The following YWHAG variants were observed in gnomAD, a reference collection of about 807,000 sequenced individuals.
The protein encoded by YWHAG is 14-3-3 protein gamma.
YWHAG carries 1 observed loss-of-function variant against 23.3 expected under a neutral mutation model. The observed-to-expected ratio is 0.04, with a 90% CI of 0.02 to 0.20. The LOEUF (loss-of-function observed/expected upper bound fraction) is 0.20, where lower values mean the gene tolerates loss of function less well. YWHAG is among the 10% of genes least tolerant of loss of function. The pLI is 1.00. For synonymous variants in YWHAG, 160 were observed against 144.0 expected, an observed-to-expected ratio of 1.11 and a Z score of -0.80; for missense variants, 151 against 338.6, an observed-to-expected ratio of 0.45 and a Z score of 4.35.
In YWHAG at chr7:76,358,896, G is replaced by A; in HGVS notation, c.-88C>T. On this transcript the variant is annotated 5_prime_UTR_variant, in exon 1 of 2. Transcript: ENST00000307630. The stretch of plus-strand genomic sequence containing the variant: ...AGGGCGCGACTGGAGCCCAAGTGCC[G>A]GAGAGGACCGACCCACAGAGCGAGC... The A allele has an allele frequency of 7.7e-7, 1 of 1,292,684 alleles. No homozygotes were observed. Among genetic ancestry groups the A allele is most frequent in the Non-Finnish European group, 1.1e-6 (1 of 951,258 alleles). The allele number at this position is 1,292,684 out of a possible 1,614,324, so 80.1% of individuals were successfully genotyped here.
At chr7:76,339,955 G>A (rs1392165919) in intron 1 of YWHAG, among the ~76,000 whole-genome samples, 1 of 151,984 alleles carries the variant, frequency 6.6e-6, no homozygotes, top group African/African-American at 2.4e-5. Context: ...CAGGTGTGGT[G>A]GCACACACCT....
Position 76,330,192 on chromosome 7 carries a change from G to A in YWHAG, c.129C>T (p.Asn43=). Residue 43 remains asparagine (N), a synonymous_variant, in exon 2 of 2, where the codon AAC becomes AAT. Coordinates refer to ENST00000307630, the MANE Select transcript of YWHAG (RefSeq NM_012479.4). ...CGTTCTTGTAGGCCACAGACAGAAGGTTTCGTTCCTCATTCGACAGTGGCT... is the reference window on the plus strand; with the variant it reads ...CGTTCTTGTAGGCCACAGACAGAAGATTTCGTTCCTCATTCGACAGTGGCT... ...LNEPLSNEER[N]LLSVAYKNVV... 6.2e-7 allele frequency: 1 copy of A among 1,613,536 alleles called. No individual in the cohort carries two copies. The highest frequency in any genetic ancestry group is 1.3e-5 in the African/African-American group (1 of 74,992).
At chr7:76,341,495 T>G (rs1803693666) in intron 1 of YWHAG, among the ~76,000 whole-genome samples, 1 of 146,486 alleles carries the variant, frequency 6.8e-6, no homozygotes, top group African/African-American at 2.5e-5. Flanking sequence ...ACAATGCAAA[T>G]GTACATCAAA....
intron 1 of YWHAG, among the ~76,000 whole-genome samples, chr7:76,354,957 T>A (rs1448721931): frequency 2.6e-5 from 4 of 152,350 alleles, no homozygotes; most frequent in African/African-American, 9.6e-5. Context: ...TTCCCTTTTT[T>A]CAGTTCAGAC....
chr7:76,339,395 G>A (rs540290486), intron 1 of YWHAG, among the ~76,000 whole-genome samples: 8 of 152,160 alleles, frequency 5.3e-5, no homozygotes, highest in Admixed American at 1.3e-4. Flanking sequence ...GCTTGAACCC[G>A]GGAGGCAGAG....
intron 1 of YWHAG, among the ~76,000 whole-genome samples, chr7:76,331,295 G>GAGGAGAGGAGA (rs904928025): frequency 2.0e-5 from 3 of 150,694 alleles, no homozygotes; most frequent in African/African-American, 5.0e-5. Context: ...GGGGAGAGGA[G>GAGGAGAGGAGA]AGGAGAGGAG....
rs1353064257 is a variant in YWHAG, at chr7:76,327,269, T to C, written c.*2308A>G. 6.6e-6 allele frequency: 1 copy of C among 152,136 alleles called. No individual in the cohort carries two copies. The highest frequency in any genetic ancestry group is 6.5e-5 in the Admixed American group (1 of 15,280). The allele number at this position is 152,136 out of a possible 1,614,324, so 9.4% of individuals were successfully genotyped here. A position where few individuals can be genotyped will look rare whatever the true frequency, so the allele number is the denominator to read the frequency against. On this transcript the variant is annotated 3_prime_UTR_variant, in exon 2 of 2. Coordinates refer to ENST00000307630, the MANE Select transcript of YWHAG (RefSeq NM_012479.4). ...AAATTTGAAGACTTAATTTTTTTTG[T>C]CATAGGAATACATAACACCTACAGT...
chr7:76,339,052 T>G (rs1803654912), intron 1 of YWHAG, among the ~76,000 whole-genome samples: 2 of 152,240 alleles, frequency 1.3e-5, no homozygotes, highest in South Asian at 4.1e-4. Flanking sequence ...AAAGCCAATC[T>G]TGAAAGCCAA....
Position 76,358,733 on chromosome 7 carries a change from C to T in YWHAG, c.76G>A (p.Ala26Thr), listed in dbSNP as rs1411908821. The change falls in exon 1 of 2, where the codon GCC becomes ACC. Residue 26 changes from alanine (A) to threonine (T), a missense_variant. Ala to Thr is a moderately conservative substitution (Grantham distance 58). Transcript: ENST00000307630. ...QAERYDDMAA[A>T]MKNVTELNEP... ...GAGGAGACACTCACGTTCTTCATGG[C>T]CGCGGCCATGTCGTCGTAGCGCTCC... 3 of 1,591,174 alleles carry T rather than the reference C, an allele frequency of 1.9e-6. No homozygotes were observed. The South Asian group carries it at 3.4e-5, about 18-fold the overall frequency.
intron 1 of YWHAG, among the ~76,000 whole-genome samples, chr7:76,345,074 G>A (rs952493813): frequency 1.3e-5 from 2 of 152,068 alleles, no homozygotes; most frequent in Non-Finnish European, 2.9e-5. Flanking sequence ...GGGACACTGA[G>A]AGAGAGAACT....
chr7:76,340,740 A>G (rs577842025), intron 1 of YWHAG, among the ~76,000 whole-genome samples: 1 of 152,320 alleles, frequency 6.6e-6, no homozygotes, highest in African/African-American at 2.4e-5. Context: ...ACCCCTTGCC[A>G]GTTCAGATGG....
At chr7:76,331,307 G>A (rs956767830) in intron 1 of YWHAG, among the ~76,000 whole-genome samples, 2 of 148,458 alleles carry the variant, frequency 1.3e-5, no homozygotes, top group Non-Finnish European at 2.9e-5. Context: ...GGAGAGGAGA[G>A]AAGAAAAGTG....
chr7:76,329,793 A>G lies in YWHAG; in HGVS notation c.528T>C (p.Ala176=). ...CATAGTAGAAGACGGAGTAGTTAAG[A>G]GCCAGGCCTAATCGGATGGGGTGGG... ...QPTHPIRLGL[A]LNYSVFYYEI... is the part of the protein sequence containing the mutation. Residue 176 remains alanine (A), a synonymous_variant, in exon 2 of 2, where the codon GCT becomes GCC. Coordinates refer to ENST00000307630, the MANE Select transcript of YWHAG (RefSeq NM_012479.4). This position sits in a 1 kb window ranked among gnomAD's most constrained non-coding sequence, Gnocchi z 6.1. 6.2e-7 allele frequency: 1 copy of G among 1,613,494 alleles called. No homozygotes were observed. The highest frequency in any genetic ancestry group is 1.1e-5 in the South Asian group (1 of 91,038).
At position 76,328,392 on chromosome 7, in the gene YWHAG, G is replaced by C. The variant is rs538735644; in HGVS notation, c.*1185C>G. 1.3e-5 allele frequency: 2 copies of C among 152,194 alleles called. No individual in the cohort carries two copies. Among genetic ancestry groups the C allele is most frequent in the South Asian group, 2.1e-4 (1 of 4,818 alleles). The allele number at this position is 152,194 out of a possible 1,614,324, so 9.4% of individuals were successfully genotyped here. On this transcript the variant is annotated 3_prime_UTR_variant, in exon 2 of 2. Coordinates refer to ENST00000307630, the MANE Select transcript of YWHAG (RefSeq NM_012479.4). ...AATTACTTGGGGAAGGAGTGTCTTC[G>C]GGGAGGAAAAACTGACACACTGACA...
intron 1 of YWHAG, among the ~76,000 whole-genome samples, chr7:76,347,667 C>G (rs1158770471): frequency 6.6e-6 from 1 of 152,164 alleles, no homozygotes; most frequent in East Asian, 1.9e-4. Flanking sequence ...CATCTCTTTT[C>G]TTCCTTTGAT....
intron 1 of YWHAG, among the ~76,000 whole-genome samples, chr7:76,337,443 C>T (rs1378175249): frequency 6.6e-6 from 1 of 152,074 alleles, no homozygotes; most frequent in Non-Finnish European, 1.5e-5. Context: ...AATAATGATG[C>T]GTATCCCGTG....
At chr7:76,331,019 T>TTAA (rs1803534461) in intron 1 of YWHAG, among the ~76,000 whole-genome samples, 1 of 152,232 alleles carries the variant, frequency 6.6e-6, no homozygotes, top group African/African-American at 2.4e-5. Flanking sequence ...AAATAACTGC[T>TTAA]TATTAATATC....
intron 1 of YWHAG, among the ~76,000 whole-genome samples, chr7:76,350,127 TG>T (rs1397010704): frequency 6.6e-6 from 1 of 152,172 alleles, no homozygotes; most frequent in Non-Finnish European, 1.5e-5. Context: ...GTCTTTATTT[TG>T]TATGTTTGAA....
intron 1 of YWHAG, among the ~76,000 whole-genome samples, chr7:76,337,151 C>A: frequency 6.6e-6 from 1 of 152,308 alleles, no homozygotes; most frequent in Non-Finnish European, 1.5e-5. Context: ...TAATAGGCTT[C>A]AGTCTGCTGT....
Sources: allele counts gnomAD v4.1 joint callset (sites outside exome capture counted in the v4.1 genomes callset), GRCh38; gene constraint gnomAD v4.1.1; non-coding constraint Gnocchi (gnomAD v3.1); transcripts MANE v1.5; gene names NCBI Gene and HGNC (gene_info 2026-07-23, HGNC 2026-07-21).